Variants in SLC35F5 observed in about 807,000 individuals in gnomAD.
The protein encoded by SLC35F5 is HCV NS5A-transactivated protein 3.
A neutral mutation model predicts 68.6 loss-of-function variants in SLC35F5; 54 were observed. The observed-to-expected ratio is 0.79, with a 90% confidence interval of 0.63 to 0.99. The LOEUF (loss-of-function observed/expected upper bound fraction) is 0.99. Ranked by LOEUF, SLC35F5 falls within the 50% of genes least tolerant of loss-of-function variation. The probability of loss-of-function intolerance (pLI) is 0.00; values close to 1 mark genes in which losing one functional copy is unlikely to be tolerated. For missense variants in SLC35F5, 567 were observed against 626.9 expected (o/e 0.90, Z 1.02); for synonymous variants, 211 against 205.2 (o/e 1.03, Z -0.24).
chr2:113,751,280 C>T (rs151074789), intron 3 of SLC35F5, among the ~76,000 whole-genome samples: 165 of 152,284 alleles, frequency 1.1e-3, no homozygotes, highest in African/African-American at 3.8e-3. Context: ...CAGGATGCCA[C>T]GGAGCACCAA....
At chr2:113,726,769 C>T (rs1386522954) in intron 11 of SLC35F5, among the ~76,000 whole-genome samples, 1 of 152,224 alleles carries the variant, frequency 6.6e-6, no homozygotes, top group Non-Finnish European at 1.5e-5. Flanking sequence ...AAGGCCCAGA[C>T]ATATTAGCTG....
In SLC35F5 at chr2:113,719,265, A is replaced by G. The variant is rs763515566; in HGVS notation, c.1385T>C (p.Phe462Ser). ...GAGAGTTACAATAAAAAATGAAAAA[A>G]ATACAGGGATAGCTCCTGCAAAAAA... ...WLFFAGAIPV[F>S]FSFFIVTLLC... Residue 462 changes from phenylalanine to serine, a missense_variant, in exon 14 of 16, where the codon TTT becomes TCT. Phe to Ser is a radical substitution (Grantham distance 155). Coordinates refer to ENST00000245680, the MANE Select transcript of SLC35F5 (RefSeq NM_025181.5). 2.0e-5 allele frequency: 32 copies of G among 1,596,570 alleles called. No homozygotes were observed. The highest frequency in any genetic ancestry group is 5.1e-6 in the Non-Finnish European group (6 of 1,177,198).
At chr2:113,722,299 A>C (rs1291796843) in intron 13 of SLC35F5, among the ~76,000 whole-genome samples, 1 of 152,096 alleles carries the variant, frequency 6.6e-6, no homozygotes, top group Non-Finnish European at 1.5e-5. Context: ...ATAGGTTTAA[A>C]ATTTTGATTA....
downstream of SLC35F5, among the ~76,000 whole-genome samples, chr2:113,704,340 C>T (rs1034035645): frequency 6.6e-6 from 1 of 152,242 alleles, no homozygotes; most frequent in African/African-American, 2.4e-5. Flanking sequence ...CCACCAGAGT[C>T]AGGAGCCCAG....
chr2:113,742,794 A>T lies in SLC35F5; in HGVS notation c.648T>A (p.Ser216=), dbSNP rs1312523045. ...PSSHALEAKL[S]RMSYPVKEQE... is the part of the protein sequence containing the mutation. Reference sequence around the variant, plus strand: ...GTTCTTTCACAGGATATGACATGCGAGACAACTTTGCTTCCAATGCATGAC... The same window carrying T: ...GTTCTTTCACAGGATATGACATGCGTGACAACTTTGCTTCCAATGCATGAC... Residue 216 remains serine (S), a synonymous_variant, in exon 7 of 16, where the codon TCT becomes TCA. Coordinates refer to ENST00000245680, the MANE Select transcript of SLC35F5 (RefSeq NM_025181.5). The T allele has an allele frequency of 6.2e-7, 1 of 1,614,162 alleles. No homozygotes were observed. Among genetic ancestry groups the T allele is most frequent in the Non-Finnish European group, 8.5e-7 (1 of 1,180,010 alleles).
chr2:113,734,278 C>T (rs1197641695), intron 9 of SLC35F5, among the ~76,000 whole-genome samples: 1 of 152,114 alleles, frequency 6.6e-6, no homozygotes, highest in African/African-American at 2.4e-5. Flanking sequence ...GAAATAGAAA[C>T]TTGGGAGATT....
intron 5 of SLC35F5, among the ~76,000 whole-genome samples, chr2:113,744,795 G>C (rs1482964398): frequency 6.6e-6 from 1 of 152,094 alleles, no homozygotes; most frequent in Non-Finnish European, 1.5e-5. Flanking sequence ...TAAAGCTGAG[G>C]TATAAAGTAA....
chr2:113,745,072 T>C (rs576438337), intron 5 of SLC35F5, among the ~76,000 whole-genome samples: 170 of 152,256 alleles, frequency 1.1e-3, no homozygotes, highest in African/African-American at 3.8e-3. Context: ...GGTCTGGAAA[T>C]AGACATAATC....
intron 7 of SLC35F5, among the ~76,000 whole-genome samples, chr2:113,740,477 G>A (rs1676217733): frequency 1.3e-5 from 2 of 152,190 alleles, no homozygotes; most frequent in African/African-American, 4.8e-5. Context: ...TTAAAGGTAT[G>A]TGCAGATAAT....
chr2:113,755,276 G>A lies in SLC35F5; in HGVS notation c.162C>T (p.Asn54=). Reference sequence around the variant, plus strand: ...AACCACTGTTCTGGGAATTCATTCGGTTCATGACAAATACACACACCATTT... The same window carrying A: ...AACCACTGTTCTGGGAATTCATTCGATTCATGACAAATACACACACCATTT... ...RLQMVCVFVM[N]RMNSQNSGFT... Residue 54 remains asparagine, a synonymous_variant, in exon 3 of 16, where the codon AAC becomes AAT. Coordinates refer to ENST00000245680, the MANE Select transcript of SLC35F5 (RefSeq NM_025181.5). The A allele has an allele frequency of 6.2e-7, 1 of 1,614,098 alleles. No individual in the cohort carries two copies. Among genetic ancestry groups the A allele is most frequent in the Middle Eastern group, 1.6e-4 (1 of 6,062 alleles).
rs768142063 is a variant in SLC35F5 at position 113,756,375 on chromosome 2, C to A, written c.35G>T (p.Arg12Met). The A allele has an allele frequency of 6.4e-7, 1 of 1,570,948 alleles. No individual in the cohort carries two copies. The change falls in exon 1 of 16, where the codon AGG becomes ATG. Residue 12 changes from arginine (R) to methionine (M), a missense_variant. Arg to Met is a moderately conservative substitution (Grantham distance 91, BLOSUM62 -1). Transcript: ENST00000245680. The stretch of plus-strand genomic sequence containing the variant: ...GCCCTTCCCTGCCTGCCTACCTGGC[C>A]TTCCTGCCCCGCGATGGCGTCGTGG... ...VPPRRHRGAG[R>M]PGVLSSSPPF...
At position 113,709,325 on chromosome 2, in the gene SLC35F5, G is replaced by C. The variant is rs917066384; in HGVS notation, c.*5893C>G. Among the ~76,000 whole-genome samples, 42 of 152,214 alleles carry C rather than the reference G, an allele frequency of 2.8e-4. No homozygotes were observed. The highest frequency in any genetic ancestry group is 5.9e-5 in the Non-Finnish European group (4 of 68,046). On this transcript the variant is annotated 3_prime_UTR_variant, in exon 16 of 16. Coordinates refer to ENST00000245680, the MANE Select transcript of SLC35F5 (RefSeq NM_025181.5). Reference sequence around the variant, plus strand: ...TACAAAGCACTAAGCACACACAGGTGTTTGGCATTGTCTCTGGAACTACAA... The same window carrying C: ...TACAAAGCACTAAGCACACACAGGTCTTTGGCATTGTCTCTGGAACTACAA...
intron 9 of SLC35F5, among the ~76,000 whole-genome samples, 167 bp from the exon 10 acceptor site, chr2:113,731,815 T>TCC (rs1687907639): frequency 6.6e-6 from 1 of 152,138 alleles, no homozygotes; most frequent in Non-Finnish European, 1.5e-5. Context: ...TATAATAATA[T>TCC]AGTGTTATAT....
chr2:113,756,241 C>G, intron 1 of SLC35F5, 129 bp downstream of exon 1: 2 of 1,533,538 alleles, frequency 1.3e-6, no homozygotes, highest in East Asian at 4.9e-5. Context: ...CTCCCTCCGC[C>G]CCTAGAGACC....
intron 7 of SLC35F5, among the ~76,000 whole-genome samples, chr2:113,741,421 C>A (rs548864160): frequency 2.4e-4 from 36 of 152,256 alleles, no homozygotes; most frequent in Non-Finnish European, 3.8e-4. Context: ...ATGATCAGGG[C>A]CAGGAGCAGT....
At chr2:113,742,553 C>A in intron 7 of SLC35F5, 139 bp downstream of exon 7, 1 of 780,798 alleles carries the variant, frequency 1.3e-6, no homozygotes, top group South Asian at 1.8e-5. Context: ...TAACTTCCTA[C>A]CGGTATCAAA....
At chr2:113,737,613 G>A (rs1688141073) in intron 7 of SLC35F5, among the ~76,000 whole-genome samples, 2 of 152,264 alleles carry the variant, frequency 1.3e-5, no homozygotes, top group African/African-American at 4.8e-5. Context: ...TAAATATTGT[G>A]CTCATTTTCC....
chr2:113,708,599 G>A lies in SLC35F5; in HGVS notation c.*6619C>T, dbSNP rs1378906607. Reference sequence around the variant, plus strand: ...TGCATGTCTGTAATCCCAGCTATTCGGGAGGCTGAGGCAGGAGAATCACTT... The same window carrying A: ...TGCATGTCTGTAATCCCAGCTATTCAGGAGGCTGAGGCAGGAGAATCACTT... On this transcript the variant is annotated 3_prime_UTR_variant, in exon 16 of 16. Coordinates refer to ENST00000245680, the MANE Select transcript of SLC35F5 (RefSeq NM_025181.5). 1.3e-5 allele frequency among the ~76,000 whole-genome samples: 2 copies of A among 152,056 alleles called. No homozygotes were observed. Among genetic ancestry groups the A allele is most frequent in the East Asian group, 1.9e-4 (1 of 5,190 alleles).
At chr2:113,743,967 C>T (rs765941950) in intron 5 of SLC35F5, 173 bp from the exon 6 acceptor site, 2 of 436,052 alleles carry the variant, frequency 4.6e-6, no homozygotes, top group Non-Finnish European at 8.1e-6. Context: ...ATCCATACAG[C>T]TACAATGACA....
Sources: gnomAD v4.1 joint callset for allele counts (sites outside exome capture counted in the v4.1 genomes callset) on GRCh38, gnomAD v4.1.1 for gene constraint, MANE v1.5 for transcripts, NCBI Gene and HGNC (gene_info 2026-07-23, HGNC 2026-07-21) for gene names.